NRXN1: variants seen among roughly 807,000 people sequenced by gnomAD.
NRXN1 encodes neurexin-1.
In NRXN1, 39 loss-of-function variants were observed where a neutral mutation model predicts 150.9. The observed-to-expected ratio is 0.26, with a 90% CI of 0.20 to 0.34. The LOEUF (loss-of-function observed/expected upper bound fraction) is 0.34. Among genes scored for constraint, NRXN1 ranks in the 10% least tolerant of loss-of-function variants. The probability of loss-of-function intolerance (pLI) is 1.00; values close to 1 mark genes in which losing one functional copy is unlikely to be tolerated. For missense variants in NRXN1, 1,815 were observed against 1,949.9 expected (o/e 0.93, Z 1.30); for synonymous variants, 924 against 757.0 (o/e 1.22, Z -3.62).
chr2:49,994,996 C>CA (rs1682691242), intron 21 of NRXN1, among the ~76,000 whole-genome samples: 3 of 152,052 alleles, frequency 2.0e-5, no homozygotes, highest in Admixed American at 2.0e-4. Context: ...TCACCCAACT[C>CA]AAAGGAATGA....
chr2:50,921,464 G>C (rs1361351078), intron 5 of NRXN1, among the ~76,000 whole-genome samples: 1 of 151,766 alleles, frequency 6.6e-6, no homozygotes, highest in Non-Finnish European at 1.5e-5. Context: ...CATTTCAGTG[G>C]TGCACATGCT....
At chr2:50,872,041 TAAC>T (rs758116040) in intron 5 of NRXN1, among the ~76,000 whole-genome samples, 40 of 151,826 alleles carry the variant, frequency 2.6e-4, no homozygotes, top group Non-Finnish European at 4.1e-4. Context: ...AAAATTCTCA[TAAC>T]AAACCCTACT....
intron 8 of NRXN1, among the ~76,000 whole-genome samples, chr2:50,582,048 G>A (rs1386435152): frequency 2.0e-5 from 3 of 152,080 alleles, no homozygotes; most frequent in African/African-American, 4.8e-5. Context: ...AAATCTGTTT[G>A]AGAACATACA....
chr2:51,006,927 A>T (rs985563163), intron 2 of NRXN1, among the ~76,000 whole-genome samples: 2 of 151,862 alleles, frequency 1.3e-5, no homozygotes, highest in Non-Finnish European at 2.9e-5. Flanking sequence ...ATTACTGTTC[A>T]TCACTCTGTA....
chr2:50,465,378 T>G (rs1400745723), intron 17 of NRXN1, 64 bp downstream of exon 17: 20 of 1,484,898 alleles, frequency 1.3e-5, no homozygotes, highest in Non-Finnish European at 1.8e-5. Flanking sequence ...GTGTTAGACT[T>G]TAGATATCAA....
intron 5 of NRXN1, among the ~76,000 whole-genome samples, chr2:50,850,895 G>T (rs1674421119): frequency 6.6e-6 from 1 of 152,102 alleles, no homozygotes; most frequent in African/African-American, 2.4e-5. Flanking sequence ...AAGGCCCTTA[G>T]AATGTGATTG....
At chr2:50,131,912 G>A (rs1473685053) in intron 18 of NRXN1, among the ~76,000 whole-genome samples, 3 of 151,932 alleles carry the variant, frequency 2.0e-5, no homozygotes, top group Non-Finnish European at 2.9e-5. Flanking sequence ...CGGTCCAACA[G>A]CTCTATTGAA....
intron 18 of NRXN1, among the ~76,000 whole-genome samples, chr2:50,116,267 G>A (rs1474423756): frequency 1.3e-5 from 2 of 151,898 alleles, no homozygotes; most frequent in African/African-American, 2.4e-5. Context: ...AATGACTTTG[G>A]GAAGCTGGGA....
chr2:50,548,516 T>G (rs552731568), intron 9 of NRXN1, among the ~76,000 whole-genome samples: 1 of 152,262 alleles, frequency 6.6e-6, no homozygotes, highest in African/African-American at 2.4e-5. Context: ...ATGTAAAAAA[T>G]GATGCTGCTA....
chr2:50,466,024 A>G (rs759504), intron 16 of NRXN1, among the ~76,000 whole-genome samples: 90,201 of 151,606 alleles, frequency 0.59, 27,244 homozygotes, highest in Middle Eastern at 0.7. Context: ...AGAGGTTTCC[A>G]AACGATAAAG....
Position 50,354,554 on chromosome 2 carries a change from CATATATATATATATATATAT to C in NRXN1, c.3364+110868_3364+110887del, listed in dbSNP as rs71404946. 7.0e-5 allele frequency among the ~76,000 whole-genome samples: 7 copies of C among 100,132 alleles called. No individual in the cohort carries two copies. The East Asian group carries it at 1.4e-3, about 20-fold the overall frequency. The allele number at this position is 100,132 out of a possible 152,430, so 65.7% of individuals were successfully genotyped here. On this transcript the variant is annotated intron_variant, in intron 17 of 22. Transcript: ENST00000401669. ...ACTACCTTAGCGTCTAGAGTGCATA[CATATATATATATATATATAT>C]ATATATATATATACACACACACACT...
chr2:51,002,661 A>G (rs1365277568), intron 2 of NRXN1, among the ~76,000 whole-genome samples: 1 of 151,938 alleles, frequency 6.6e-6, no homozygotes, highest in Non-Finnish European at 1.5e-5. Flanking sequence ...AATGAAAACA[A>G]AAGGAGACAC....
intron 9 of NRXN1, 48 bp from the exon 10 acceptor site, chr2:50,538,684 T>A: frequency 7.2e-7 from 1 of 1,384,098 alleles, no homozygotes; most frequent in Non-Finnish European, 9.5e-7. Context: ...AGCACCAACG[T>A]GTTATAATTA....
At chr2:50,555,906 C>T (rs754613306) in intron 8 of NRXN1, among the ~76,000 whole-genome samples, 7 of 152,062 alleles carry the variant, frequency 4.6e-5, no homozygotes, top group Non-Finnish European at 7.4e-5. Flanking sequence ...CCTTTTAGAA[C>T]GAAGAATGCC....
chr2:50,147,663 G>C (rs17039997), intron 18 of NRXN1, among the ~76,000 whole-genome samples: 9,309 of 151,740 alleles, frequency 0.061, 950 homozygotes, highest in African/African-American at 0.21. Context: ...CCATTCTAGT[G>C]ATAAGACATC....
At chr2:50,460,568 T>C (rs949561576) in intron 17 of NRXN1, among the ~76,000 whole-genome samples, 1 of 152,122 alleles carries the variant, frequency 6.6e-6, no homozygotes, top group Admixed American at 6.6e-5. Context: ...TTTATGCATC[T>C]ACTTTTATGA....
intron 21 of NRXN1, among the ~76,000 whole-genome samples, chr2:49,951,599 T>C (rs1673976315): frequency 6.6e-6 from 1 of 152,042 alleles, no homozygotes; most frequent in African/African-American, 2.4e-5. Context: ...GTTTCGCTTT[T>C]GGACAAAGCA....
rs950293014 is a variant in NRXN1, at chr2:51,031,323, A to T, written c.-922+658T>A. 4.0e-4 allele frequency among the ~76,000 whole-genome samples: 61 copies of T among 152,084 alleles called. 3 individuals carry two copies. The highest frequency in any genetic ancestry group is 1.0e-4 in the Non-Finnish European group (7 of 68,030). ...ATCTTTTCTTTCATTTCTAGAATCA[A>T]ATTCATCCCAAGTCACTAGGAGGAT... On this transcript the variant is annotated intron_variant, in intron 1 of 22. Coordinates refer to ENST00000401669, the MANE Select transcript of NRXN1 (RefSeq NM_001330078.2).
intron 18 of NRXN1, among the ~76,000 whole-genome samples, chr2:50,151,920 A>C (rs1340572762): frequency 6.6e-6 from 1 of 151,866 alleles, no homozygotes; most frequent in Admixed American, 6.6e-5. Flanking sequence ...GATTTTAAGC[A>C]GCTAGAGAAA....
Sources: allele counts gnomAD v4.1 joint callset (sites outside exome capture counted in the v4.1 genomes callset), GRCh38; gene constraint gnomAD v4.1.1; transcripts MANE v1.5; gene names NCBI Gene and HGNC (gene_info 2026-07-23, HGNC 2026-07-21).